KCNN2: variants seen among roughly 807,000 people sequenced by gnomAD.
KCNN2 encodes potassium calcium-activated channel subfamily N member 2, also known as small conductance calcium-activated potassium channel protein 2.
In KCNN2, 24 loss-of-function variants were observed where a neutral mutation model predicts 55.5. The observed-to-expected ratio is 0.43, with a 90% CI of 0.31 to 0.61. The LOEUF (loss-of-function observed/expected upper bound fraction) is 0.61. KCNN2 is among the 20% of genes least tolerant of loss of function. KCNN2 has a pLI of 0.08. For missense variants in KCNN2, 754 were observed against 853.6 expected (o/e 0.88, Z 1.45); for synonymous variants, 431 against 336.1 (o/e 1.28, Z -3.09).
chr5:114,483,495 A>G (rs1762321144), intron 5 of KCNN2, among the ~76,000 whole-genome samples: 1 of 152,014 alleles, frequency 6.6e-6, no homozygotes. Context: ...ACGCTGGTCA[A>G]AAACTCCTGA....
chr5:114,212,247 A>G (rs1219272144), intron 1 of KCNN2, among the ~76,000 whole-genome samples: 3 of 152,098 alleles, frequency 2.0e-5, no homozygotes, highest in African/African-American at 7.2e-5. Flanking sequence ...ATACAGTAGT[A>G]CTGCTAAACC....
chr5:114,485,373 A>G (rs1762398780), intron 5 of KCNN2, among the ~76,000 whole-genome samples: 1 of 152,080 alleles, frequency 6.6e-6, no homozygotes, highest in South Asian at 2.1e-4. Context: ...GGGAAAGGCT[A>G]TTCCAACCCC....
At chr5:114,440,651 A>T (rs1021332248) in intron 3 of KCNN2, among the ~76,000 whole-genome samples, 2 of 111,862 alleles carry the variant, frequency 1.8e-5, no homozygotes, top group African/African-American at 7.0e-5. Context: ...TCTAAGGGTC[A>T]TGTACCTGCA....
intron 2 of KCNN2, among the ~76,000 whole-genome samples, chr5:114,368,146 G>C (rs1477034214): frequency 1.3e-5 from 2 of 152,004 alleles, no homozygotes; most frequent in Non-Finnish European, 2.9e-5. Context: ...CCCTCATACA[G>C]ACGGTTGACT....
chr5:114,339,512 C>A (rs981140194), intron 2 of KCNN2, among the ~76,000 whole-genome samples: 3 of 152,004 alleles, frequency 2.0e-5, no homozygotes, highest in Admixed American at 1.3e-4. Context: ...CTTTAAAATG[C>A]AGGAGATGGG....
intron 2 of KCNN2, among the ~76,000 whole-genome samples, chr5:114,310,641 A>G (rs1391526829): frequency 2.6e-5 from 4 of 152,116 alleles, no homozygotes; most frequent in Non-Finnish European, 5.9e-5. Context: ...TTATGAACAG[A>G]GAGATAGGAC....
chr5:114,324,156 T>G (rs910264834), intron 2 of KCNN2, among the ~76,000 whole-genome samples: 1 of 152,222 alleles, frequency 6.6e-6, no homozygotes, highest in Non-Finnish European at 1.5e-5. Flanking sequence ...TAACTTTTAT[T>G]AGGATGTATT....
At chr5:114,434,580 G>A (rs1759936567) in intron 3 of KCNN2, among the ~76,000 whole-genome samples, 1 of 152,126 alleles carries the variant, frequency 6.6e-6, no homozygotes, top group Non-Finnish European at 1.5e-5. Flanking sequence ...GGGATAAACC[G>A]GTCTGTTGTA....
rs186813477 is a variant in KCNN2, at chr5:114,228,965, A to G, written c.-185+7400A>G. 3.9e-3 allele frequency among the ~76,000 whole-genome samples: 590 copies of G among 152,190 alleles called. 2 individuals are homozygous for G. Among genetic ancestry groups the G allele is most frequent in the Non-Finnish European group, 6.9e-3 (469 of 67,904 alleles). On this transcript the variant is annotated intron_variant, in intron 2 of 10. Coordinates refer to the KCNN2 transcript ENST00000512097. ...GATTCTACTATTTTAAAAACATTAGATTGTTTCTGAATTTAACAGTAAAAT... is the reference window on the plus strand; with the variant it reads ...GATTCTACTATTTTAAAAACATTAGGTTGTTTCTGAATTTAACAGTAAAAT...
chr5:114,227,967 G>A (rs1171598905), intron 2 of KCNN2, among the ~76,000 whole-genome samples: 1 of 151,940 alleles, frequency 6.6e-6, no homozygotes, highest in Non-Finnish European at 1.5e-5. Flanking sequence ...TGCCTACTGT[G>A]TGCCAAACAA....
intron 2 of KCNN2, among the ~76,000 whole-genome samples, chr5:114,372,779 C>G (rs887037949): frequency 3.3e-5 from 5 of 151,874 alleles, no homozygotes; most frequent in African/African-American, 1.2e-4. Context: ...ATTTTATATT[C>G]TCTTCATGTA....
chr5:114,304,830 T>C (rs1756235123), intron 2 of KCNN2, among the ~76,000 whole-genome samples: 1 of 152,198 alleles, frequency 6.6e-6, no homozygotes, highest in South Asian at 2.1e-4. Flanking sequence ...GTGTACATGT[T>C]ACCTTCAAAA....
At chr5:114,264,998 TG>T (rs1348661773) in intron 2 of KCNN2, among the ~76,000 whole-genome samples, 2 of 152,228 alleles carry the variant, frequency 1.3e-5, no homozygotes, top group Non-Finnish European at 2.9e-5. Context: ...TTATGTTATA[TG>T]AAAAACAAAA....
intron 3 of KCNN2, among the ~76,000 whole-genome samples, chr5:114,448,677 C>G (rs1760519246): frequency 6.6e-6 from 1 of 152,190 alleles, no homozygotes; most frequent in African/African-American, 2.4e-5. Context: ...CTTCTTATCT[C>G]TCCCCGAGGA....
intron 3 of KCNN2, among the ~76,000 whole-genome samples, chr5:114,419,562 C>T (rs941148229): frequency 6.6e-6 from 1 of 152,200 alleles, no homozygotes; most frequent in African/African-American, 2.4e-5. Context: ...ATATAAACTA[C>T]TTTTGGTACC....
chr5:114,384,177 C>T (rs1758211167), intron 2 of KCNN2, among the ~76,000 whole-genome samples: 1 of 152,094 alleles, frequency 6.6e-6, no homozygotes, highest in South Asian at 2.1e-4. Flanking sequence ...AATCATAAAA[C>T]AAATAAATAC....
intron 1 of KCNN2, among the ~76,000 whole-genome samples, chr5:114,125,578 G>A (rs901472594): frequency 1.3e-5 from 2 of 152,170 alleles, no homozygotes; most frequent in African/African-American, 4.8e-5. Context: ...GGAAGTCCAA[G>A]ATCAAGGCGT....
intron 2 of KCNN2, among the ~76,000 whole-genome samples, chr5:114,251,217 C>G (rs1370636336): frequency 6.6e-6 from 1 of 152,204 alleles, no homozygotes; most frequent in Non-Finnish European, 1.5e-5. Flanking sequence ...CAATTACAAC[C>G]AGCCTGCTTC....
Position 114,237,256 on chromosome 5 carries a change from TCACACACA to T in KCNN2, c.-185+15719_-185+15726del, listed in dbSNP as rs10643853. Among the ~76,000 whole-genome samples, 263 of 138,596 alleles carry T rather than the reference TCACACACA, an allele frequency of 1.9e-3. 1 individual carries two copies. The highest frequency in any genetic ancestry group is 0.011 in the Middle Eastern group (3 of 282). The allele number at this position is 138,596 out of a possible 152,430, so 90.9% of individuals were successfully genotyped here. On this transcript the variant is annotated intron_variant, in intron 2 of 10. Coordinates refer to the KCNN2 transcript ENST00000512097. ...ATCTCCTGATGTGGGTTGTCAAAAT[TCACACACA>T]CACACACACACACACACACACACAC...
Sources: gnomAD v4.1 joint callset for allele counts (sites outside exome capture counted in the v4.1 genomes callset) on GRCh38, gnomAD v4.1.1 for gene constraint, MANE v1.5 for transcripts, NCBI Gene and HGNC (gene_info 2026-07-23, HGNC 2026-07-21) for gene names.